The following OSBPL6 variants were observed in gnomAD, a reference collection of about 807,000 sequenced individuals.
OSBPL6 encodes the protein oxysterol-binding protein-related protein 6.
In OSBPL6, 49 loss-of-function variants were observed where a neutral mutation model predicts 125.8. The ratio of observed to expected loss-of-function variants is 0.39; its 90% CI spans 0.31 to 0.49. The LOEUF is 0.49. OSBPL6 is among the 20% of genes least tolerant of loss of function. The pLI, the probability that OSBPL6 is intolerant of heterozygous loss-of-function variation, is 0.88. For synonymous variants in OSBPL6, 394 were observed against 391.8 expected, an observed-to-expected ratio of 1.01 and a Z score of -0.07; for missense variants, 986 against 1,135.4, an observed-to-expected ratio of 0.87 and a Z score of 1.89.
At chr2:178,234,155 C>G (rs1268839181) in intron 1 of OSBPL6, among the ~76,000 whole-genome samples, 1 of 152,104 alleles carries the variant, frequency 6.6e-6, no homozygotes, top group Non-Finnish European at 1.5e-5. Flanking sequence ...ATATCATTTA[C>G]TCAATTTCTA....
At chr2:178,280,866 T>C (rs962722275) in intron 1 of OSBPL6, among the ~76,000 whole-genome samples, 7 of 149,404 alleles carry the variant, frequency 4.7e-5, no homozygotes, top group African/African-American at 1.7e-4. Context: ...ATTAGACCTT[T>C]GTCAGAGATG....
chr2:178,272,826 A>T (rs1028769947), intron 1 of OSBPL6, among the ~76,000 whole-genome samples: 1 of 152,234 alleles, frequency 6.6e-6, no homozygotes, highest in African/African-American at 2.4e-5. Context: ...CATGGGCATA[A>T]GTGCAAATGG....
At chr2:178,343,968 A>G (rs1224073010) in intron 11 of OSBPL6, among the ~76,000 whole-genome samples, 1 of 152,220 alleles carries the variant, frequency 6.6e-6, no homozygotes, top group Non-Finnish European at 1.5e-5. Flanking sequence ...TTCATATAAC[A>G]TGATATCATA....
intron 1 of OSBPL6, among the ~76,000 whole-genome samples, chr2:178,208,712 A>G (rs1335172294): frequency 4.2e-4 from 8 of 19,276 alleles, no homozygotes; most frequent in Non-Finnish European, 1.4e-4. Context: ...TTCCCCTCCC[A>G]TCCTTTTCCT....
intron 15 of OSBPL6, among the ~76,000 whole-genome samples, chr2:178,375,748 C>T (rs1034892444): frequency 2.7e-4 from 41 of 152,196 alleles, no homozygotes; most frequent in African/African-American, 8.2e-4. Context: ...AGTCAGGTTA[C>T]AGTCAGACTT....
At chr2:178,395,362 T>A (rs559340995) in intron 24 of OSBPL6, 89 bp from the exon 25 acceptor site, 494 of 851,692 alleles carry the variant, frequency 5.8e-4, no homozygotes, top group Non-Finnish European at 8.6e-4. Flanking sequence ...ACACTGCTTA[T>A]ATGTCCATGT....
At chr2:178,328,819 C>G (rs951925341) in intron 5 of OSBPL6, among the ~76,000 whole-genome samples, 1 of 152,080 alleles carries the variant, frequency 6.6e-6, no homozygotes, top group East Asian at 1.9e-4. Flanking sequence ...TTATTTTAAC[C>G]ACATGGGTTG....
intron 22 of OSBPL6, among the ~76,000 whole-genome samples, chr2:178,392,163 C>A (rs1695461254): frequency 1.3e-5 from 2 of 152,132 alleles, no homozygotes; most frequent in African/African-American, 4.8e-5. Context: ...CTAATGAAGA[C>A]TACTATATGT....
At chr2:178,283,269 A>G (rs1684391831) in intron 1 of OSBPL6, among the ~76,000 whole-genome samples, 1 of 152,340 alleles carries the variant, frequency 6.6e-6, no homozygotes, top group South Asian at 2.1e-4. Context: ...GGGGGCAATC[A>G]TGGCATTGGA....
At chr2:178,205,384 A>G (rs2089473510) in intron 1 of OSBPL6, among the ~76,000 whole-genome samples, 1 of 152,214 alleles carries the variant, frequency 6.6e-6, no homozygotes, top group African/African-American at 2.4e-5. Context: ...GGGAGCCTGT[A>G]GTTAGCCCCA....
intron 4 of OSBPL6, among the ~76,000 whole-genome samples, chr2:178,326,983 T>C (rs13407039): frequency 6.6e-6 from 1 of 151,640 alleles, no homozygotes; most frequent in Non-Finnish European, 1.5e-5. Context: ...CTAAGAATGA[T>C]ACATTGGAAA....
At position 178,395,849 on chromosome 2, in the gene OSBPL6, C is replaced by G. The variant is rs1695815113; in HGVS notation, c.*290C>G. 2.7e-6 allele frequency: 1 copy of G among 370,118 alleles called. No individual in the cohort carries two copies. Among genetic ancestry groups the G allele is most frequent in the Non-Finnish European group, 5.1e-6 (1 of 195,672 alleles). The allele number at this position is 370,118 out of a possible 1,614,324, so 22.9% of individuals were successfully genotyped here. A position where few individuals can be genotyped will look rare whatever the true frequency, so the allele number is the denominator to read the frequency against. On this transcript the variant is annotated 3_prime_UTR_variant, in exon 25 of 25. Transcript: ENST00000190611. ...AATAAAAGGAGCAGAATATAAAATC[C>G]AAAGTCTGACCAGTTTGTAAAGAAA... is the stretch of plus-strand genomic sequence containing the variant.
intron 12 of OSBPL6, among the ~76,000 whole-genome samples, chr2:178,353,333 A>T (rs1205201165): frequency 6.6e-6 from 1 of 152,214 alleles, no homozygotes; most frequent in African/African-American, 2.4e-5. Context: ...CATCACAAGG[A>T]AGCTAAAAAC....
In OSBPL6 at chr2:178,263,806, C is replaced by CGTGTGT. The variant is rs71393413; in HGVS notation, c.-350-21095_-350-21090dup. 9.7e-3 allele frequency among the ~76,000 whole-genome samples: 1,429 copies of CGTGTGT among 147,878 alleles called. 13 individuals carry two copies. The highest frequency in any genetic ancestry group is 0.062 in the East Asian group (303 of 4,924). On this transcript the variant is annotated intron_variant, in intron 1 of 24. Coordinates refer to ENST00000190611, the MANE Select transcript of OSBPL6 (RefSeq NM_032523.4). The stretch of plus-strand genomic sequence containing the variant: ...CGGCAGAGACACTCAACTGTGTACA[C>CGTGTGT]GTGTGTGTGTGTGTGTGTGTGTGTG...
chr2:178,374,046 C>T lies in OSBPL6; in HGVS notation c.1533+19C>T, dbSNP rs759793223. On this transcript the variant is annotated intron_variant, in intron 15 of 24. Transcript: ENST00000190611. The stretch of plus-strand genomic sequence containing the variant: ...GAATGAGGTATGTATGCCTCCTTGA[C>T]TTGTTGGCCTCAACATCTTGTGACT... 28 of 1,610,894 alleles carry T rather than the reference C, an allele frequency of 1.7e-5. No individual in the cohort carries two copies. The Admixed American group carries it at 3.9e-4, about 22-fold the overall frequency.
At chr2:178,274,383 G>C (rs531208847) in intron 1 of OSBPL6, among the ~76,000 whole-genome samples, 19 of 151,426 alleles carry the variant, frequency 1.3e-4, no homozygotes, top group Non-Finnish European at 2.4e-4. Context: ...TATGATAATA[G>C]CAAGCACTTA....
intron 1 of OSBPL6, among the ~76,000 whole-genome samples, chr2:178,261,125 C>T (rs1426261189): frequency 6.6e-6 from 1 of 152,096 alleles, no homozygotes; most frequent in African/African-American, 2.4e-5. Context: ...GAGTGAAACT[C>T]CATCTCAAAA....
Position 178,341,847 on chromosome 2 carries a change from G to A in OSBPL6, c.987+2083G>A, listed in dbSNP as rs926861565. On this transcript the variant is annotated intron_variant, in intron 11 of 24. Transcript: ENST00000190611. ...GCCCAAACCAACAGGTCTTGCAGGA[G>A]CCTCAGGATACTCATTCTCTACTAC... 4.6e-5 allele frequency among the ~76,000 whole-genome samples: 7 copies of A among 152,232 alleles called. No individual in the cohort carries two copies. In the East Asian group the frequency reaches 9.7e-4, roughly 21 times the overall value.
chr2:178,209,250 C>T (rs1250623224), intron 1 of OSBPL6, among the ~76,000 whole-genome samples: 2 of 151,960 alleles, frequency 1.3e-5, no homozygotes, highest in African/African-American at 4.8e-5. Flanking sequence ...TTTCTGGATT[C>T]ATTGGTTCTT....
Sources: allele counts gnomAD v4.1 joint callset (sites outside exome capture counted in the v4.1 genomes callset), GRCh38; gene constraint gnomAD v4.1.1; transcripts MANE v1.5; gene names NCBI Gene and HGNC (gene_info 2026-07-23, HGNC 2026-07-21).